The following HEG1 variants were observed in gnomAD, a reference collection of about 807,000 sequenced individuals.
The protein encoded by HEG1 is heart development protein with EGF like domains 1.
In HEG1, 56 loss-of-function variants were observed where a neutral mutation model predicts 125.6. The observed-to-expected ratio is 0.45, with a 90% CI of 0.36 to 0.56. The LOEUF is 0.56. Among genes scored for constraint, HEG1 ranks in the 20% least tolerant of loss-of-function variants. The probability of loss-of-function intolerance (pLI) is 0.00; values close to 1 mark genes in which losing one functional copy is unlikely to be tolerated. For synonymous variants in HEG1, 644 were observed against 668.5 expected (o/e 0.96, Z 0.57); for missense variants, 1,523 against 1,670.0 (o/e 0.91, Z 1.53).
At chr3:125,004,225 T>G (rs954905067) in intron 9 of HEG1, among the ~76,000 whole-genome samples, 2 of 152,216 alleles carry the variant, frequency 1.3e-5, no homozygotes, top group South Asian at 4.1e-4. Context: ...AAGTCCAAAG[T>G]CCTGTAGAAA....
At chr3:125,048,760 A>G (rs1937736224) in intron 1 of HEG1, among the ~76,000 whole-genome samples, 1 of 152,228 alleles carries the variant, frequency 6.6e-6, no homozygotes, top group African/African-American at 2.4e-5. Context: ...GTGAGTACAG[A>G]TTAGAGAGAG....
At chr3:124,970,904 G>T in intron 16 of HEG1, 103 bp from the exon 17 acceptor site, 1 of 996,634 alleles carries the variant, frequency 1.0e-6, no homozygotes, top group Non-Finnish European at 1.5e-6. Context: ...AAAAGATCTG[G>T]GTTTATCCTG....
At chr3:125,006,709 G>A (rs894834700) in intron 8 of HEG1, among the ~76,000 whole-genome samples, 17 of 152,198 alleles carry the variant, frequency 1.1e-4, no homozygotes, top group South Asian at 1.0e-3. Flanking sequence ...TAATTTGCAT[G>A]TTCCTCTGAT....
intron 14 of HEG1, among the ~76,000 whole-genome samples, chr3:124,984,703 G>A (rs1936710605): frequency 6.6e-6 from 1 of 152,076 alleles, no homozygotes; most frequent in Admixed American, 6.5e-5. Context: ...AGGTTGCAGT[G>A]AGCCAAGATC....
chr3:124,988,247 CA>C (rs753113776), intron 14 of HEG1, among the ~76,000 whole-genome samples: 1 of 151,832 alleles, frequency 6.6e-6, no homozygotes, highest in Non-Finnish European at 1.5e-5. Context: ...CTCCTAAACA[CA>C]AAAGCATAAA....
intron 9 of HEG1, 117 bp from the exon 10 acceptor site, chr3:125,002,432 C>T (rs142127583): frequency 8.1e-5 from 69 of 848,138 alleles, no homozygotes; most frequent in Admixed American, 1.2e-4. Context: ...GTTATCAGCA[C>T]GCGGCTTTGC....
rs940823951 is a variant in HEG1, at chr3:124,966,451, A to G, written c.*4201T>C. On this transcript the variant is annotated 3_prime_UTR_variant, in exon 17 of 17. Transcript: ENST00000311127. ...TCTCTTCCTTGGAGATTTAAGAAAAAAAGAAAACATACCCAAAGGCAAACT... is the reference window on the plus strand; with the variant it reads ...TCTCTTCCTTGGAGATTTAAGAAAAGAAGAAAACATACCCAAAGGCAAACT... The G allele has an allele frequency of 1.3e-5, 2 of 152,182 alleles. No individual in the cohort carries two copies. Among genetic ancestry groups the G allele is most frequent in the African/African-American group, 4.8e-5 (2 of 41,448 alleles). 9.4% of individuals were successfully genotyped at this position (152,182 alleles called of 1,614,324 possible). A position where few individuals can be genotyped will look rare whatever the true frequency, so the allele number is the denominator to read the frequency against.
At chr3:125,039,735 C>T (rs1242391436) in intron 1 of HEG1, among the ~76,000 whole-genome samples, 7 of 151,718 alleles carry the variant, frequency 4.6e-5, no homozygotes, top group Non-Finnish European at 1.0e-4. Context: ...CCAGGTCACG[C>T]ACTCACTAGC....
At chr3:125,035,727 CAT>C (rs769235974) in intron 1 of HEG1, among the ~76,000 whole-genome samples, 54 of 151,794 alleles carry the variant, frequency 3.6e-4, no homozygotes, top group Non-Finnish European at 6.8e-4. Context: ...AAAAAAAATA[CAT>C]GTGTGAATAA....
chr3:124,995,064 C>T (rs985003266), intron 12 of HEG1, among the ~76,000 whole-genome samples: 1 of 152,090 alleles, frequency 6.6e-6, no homozygotes, highest in African/African-American at 2.4e-5. Context: ...TTTGGGAGGC[C>T]GAAGTGGGTG....
chr3:125,009,555 T>A (rs1937120345), intron 8 of HEG1, 150 bp downstream of exon 8: 1 of 693,596 alleles, frequency 1.4e-6, no homozygotes, highest in African/African-American at 1.8e-5. Flanking sequence ...AGTATTAGAA[T>A]AATGGACAAT....
rs1264102233 is a variant in HEG1 at position 124,990,813 on chromosome 3, C to A, written c.3707G>T (p.Gly1236Val). 1.9e-6 allele frequency: 3 copies of A among 1,564,296 alleles called. No individual in the cohort carries two copies. The South Asian group carries it at 3.5e-5, about 18-fold the overall frequency. The part of the protein sequence containing the change: ...ENETCMSCPF[G>V]LGGLNCGNPY... ...GTTTCCACAGTTGAGACCACCAAGG[C>A]CAAATGGGCAACTGCAAGCCAAGAA... is the stretch of plus-strand genomic sequence containing the variant. Residue 1236 changes from glycine to valine, a missense_variant, in exon 14 of 17, where the codon GGC becomes GTC. Physicochemically the swap from Gly to Val is moderately radical, Grantham distance 109. Coordinates refer to ENST00000311127, the MANE Select transcript of HEG1 (RefSeq NM_020733.2).
chr3:125,053,265 T>C (rs555967249), intron 1 of HEG1, among the ~76,000 whole-genome samples: 2 of 152,330 alleles, frequency 1.3e-5, no homozygotes, highest in East Asian at 1.9e-4. Flanking sequence ...TGATAGCATC[T>C]AGTGATACAG....
chr3:125,037,800 T>C (rs1937561167), intron 1 of HEG1, among the ~76,000 whole-genome samples: 1 of 152,192 alleles, frequency 6.6e-6, no homozygotes, highest in South Asian at 2.1e-4. Flanking sequence ...ATACACAGAC[T>C]GTGGTTCAAG....
chr3:125,024,061 C>G (rs1937378771), intron 3 of HEG1, among the ~76,000 whole-genome samples: 1 of 152,180 alleles, frequency 6.6e-6, no homozygotes, highest in African/African-American at 2.4e-5. Flanking sequence ...AAGCAATTTA[C>G]CTGGACCACA....
At chr3:125,014,642 C>T in intron 5 of HEG1, 1 of 1,172,968 alleles carries the variant, frequency 8.5e-7, no homozygotes, top group East Asian at 5.9e-5. Context: ...ACTGAATCAT[C>T]CCAGGACGGT....
At chr3:125,009,438 G>T (rs1937118693) in intron 8 of HEG1, 2 of 231,262 alleles carry the variant, frequency 8.6e-6, no homozygotes, top group Non-Finnish European at 1.7e-5. Flanking sequence ...TAACAACACA[G>T]GAAAATGTTT....
intron 14 of HEG1, among the ~76,000 whole-genome samples, chr3:124,982,294 C>A (rs1936669287): frequency 6.6e-6 from 1 of 152,208 alleles, no homozygotes; most frequent in South Asian, 2.1e-4. Flanking sequence ...TAAAATCATT[C>A]TACAACTGAT....
At chr3:125,011,965 C>T (rs996892373) in intron 6 of HEG1, among the ~76,000 whole-genome samples, 13 of 152,174 alleles carry the variant, frequency 8.5e-5, no homozygotes, top group African/African-American at 3.1e-4. Flanking sequence ...AAAAACAACC[C>T]TAAGTGTGAT....
Sources: gnomAD v4.1 joint callset for allele counts (sites outside exome capture counted in the v4.1 genomes callset) on GRCh38, gnomAD v4.1.1 for gene constraint, MANE v1.5 for transcripts, NCBI Gene and HGNC (gene_info 2026-07-23, HGNC 2026-07-21) for gene names.